Variants in ATP6V1B2 observed in about 807,000 individuals in gnomAD.
ATP6V1B2 encodes ATPase H+ transporting V1 subunit B2.
In ATP6V1B2, 23 loss-of-function variants were observed where a neutral mutation model predicts 66.7. The observed-to-expected ratio is 0.34, with a 90% CI of 0.25 to 0.49. The LOEUF is 0.49. ATP6V1B2 is among the 20% of genes least tolerant of loss of function. The pLI is 0.99. For synonymous variants in ATP6V1B2, 278 were observed against 236.7 expected (o/e 1.17, Z -1.60); for missense variants, 478 against 650.8 (o/e 0.73, Z 2.89).
intron 6 of ATP6V1B2, 53 bp downstream of exon 6, chr8:20,211,369 A>C (rs564138632): frequency 1.3e-6 from 2 of 1,586,288 alleles, no homozygotes; most frequent in East Asian, 2.2e-5. Flanking sequence ...AATTTCTATA[A>C]TGCATCACTG....
At position 20,197,447 on chromosome 8, in the gene ATP6V1B2, C is replaced by T; in HGVS notation, c.41C>T (p.Ala14Val). 1.9e-6 allele frequency: 3 copies of T among 1,544,754 alleles called. No individual in the cohort carries two copies. Among genetic ancestry groups the T allele is most frequent in the African/African-American group, 1.4e-5 (1 of 70,532 alleles). ...RAMRGIVNGA[A>V]PELPVPTGGP... ...ATGCGGGGGATTGTCAACGGGGCCG[C>T]ACCCGAGCTACCCGTGCCCACCGGT... Residue 14 changes from alanine to valine, a missense_variant, in exon 1 of 14, where the codon GCA (alanine) becomes GTA (valine). Physicochemically the swap from Ala to Val is moderately conservative, Grantham distance 64. Around this residue, in one of 2 missense-constraint regions of ATP6V1B2, gnomAD observed 152 missense variants for 105.2 expected, o/e 1.44. Coordinates refer to ENST00000276390, the MANE Select transcript of ATP6V1B2 (RefSeq NM_001693.4).
At chr8:20,212,739 G>T (rs775893365) in intron 8 of ATP6V1B2, 43 bp from the exon 9 acceptor site, 10 of 1,584,206 alleles carry the variant, frequency 6.3e-6, no homozygotes, top group Non-Finnish European at 8.5e-6. Flanking sequence ...TTTCTTTTTG[G>T]TCTTTTGGTT....
intron 9 of ATP6V1B2, 145 bp downstream of exon 9, chr8:20,213,050 A>G: frequency 2.6e-6 from 3 of 1,158,638 alleles, no homozygotes; most frequent in South Asian, 2.8e-5. Context: ...TCAGAAAGGA[A>G]ACTACTTCGT....
At chr8:20,209,405 T>C (rs1453885843) in intron 2 of ATP6V1B2, 28 bp from the exon 3 acceptor site, 1 of 1,602,614 alleles carries the variant, frequency 6.2e-7, no homozygotes, top group Admixed American at 1.7e-5. Context: ...AAATGTCGGA[T>C]ATTGATCCTT....
At chr8:20,210,058 T>TAA (rs1048348767) in intron 3 of ATP6V1B2, among the ~76,000 whole-genome samples, 7 of 147,328 alleles carry the variant, frequency 4.8e-5, no homozygotes, top group Admixed American at 2.1e-4. Flanking sequence ...AACAACCCTT[T>TAA]AAAAAATATA....
chr8:20,200,347 A>G (rs1216970835), intron 1 of ATP6V1B2, among the ~76,000 whole-genome samples: 1 of 152,092 alleles, frequency 6.6e-6, no homozygotes, highest in Non-Finnish European at 1.5e-5. Context: ...TTTAGAAGTC[A>G]GAGATCCTTT....
chr8:20,213,692 T>A (rs1457159806), intron 9 of ATP6V1B2: 1 of 152,068 alleles, frequency 6.6e-6, no homozygotes, highest in East Asian at 1.9e-4. Flanking sequence ...AGTTTTGGGG[T>A]ATTTGTTCAG....
Position 20,211,716 on chromosome 8 carries a change from G to A in ATP6V1B2, c.668G>A (p.Ser223Asn). Residue 223 changes from serine to asparagine, a missense_variant, in exon 7 of 14, where the codon AGT (serine) becomes AAT (asparagine). Physicochemically the swap from Ser to Asn is conservative, Grantham distance 46. This residue lies in a region of ATP6V1B2 where 326 missense variants were observed against 545.6 expected (regional missense o/e 0.60). Coordinates refer to ENST00000276390, the MANE Select transcript of ATP6V1B2 (RefSeq NM_001693.4). The part of the protein sequence containing the change: ...VKKSKDVVDY[S>N]EENFAIVFAA... ...AAATCCAAAGATGTAGTAGACTACAGTGAGGAAAATTTTGCAATTGTATTT... is the reference window on the plus strand; with the variant it reads ...AAATCCAAAGATGTAGTAGACTACAATGAGGAAAATTTTGCAATTGTATTT... The A allele has an allele frequency of 6.2e-7, 1 of 1,612,304 alleles. No homozygotes were observed.
chr8:20,220,340 C>A lies in ATP6V1B2; in HGVS notation c.1474C>A (p.Leu492Met). 8 of 1,604,304 alleles carry A rather than the reference C, an allele frequency of 5.0e-6. No homozygotes were observed. The highest frequency in any genetic ancestry group is 6.8e-6 in the Non-Finnish European group (8 of 1,176,652). The change falls in exon 14 of 14, where the codon CTG becomes ATG. Residue 492 changes from leucine to methionine, a missense_variant. Around this residue, in one of 2 missense-constraint regions of ATP6V1B2, gnomAD observed 326 missense variants for 545.6 expected, o/e 0.60. Coordinates refer to ENST00000276390, the MANE Select transcript of ATP6V1B2 (RefSeq NM_001693.4). Reference sequence around the variant, plus strand: ...ACTCCGAATCTTCCCCAAAGAAATGCTGAAGAGAATCCCTCAGAGCACCCT... The same window carrying A: ...ACTCCGAATCTTCCCCAAAGAAATGATGAAGAGAATCCCTCAGAGCACCCT... ...QLLRIFPKEM[L>M]KRIPQSTLSE... is the part of the protein sequence containing the mutation.
intron 2 of ATP6V1B2, among the ~76,000 whole-genome samples, chr8:20,207,721 TAA>T (rs922264492): frequency 9.2e-5 from 12 of 130,032 alleles, no homozygotes; most frequent in Non-Finnish European, 1.5e-4. Context: ...ACTTAAAGTA[TAA>T]AAAAAAAAAA....
chr8:20,218,044 C>T, intron 12 of ATP6V1B2, 109 bp from the exon 13 acceptor site: 1 of 1,377,220 alleles, frequency 7.3e-7, no homozygotes, highest in Non-Finnish European at 9.7e-7. Flanking sequence ...TTTGTAAATT[C>T]CTTCTATGGG....
rs1421949299 is a variant in ATP6V1B2 at position 20,210,419 on chromosome 8, C to T, written c.365C>T (p.Pro122Leu). The change falls in exon 4 of 14, where the codon CCG becomes CTG. Residue 122 changes from proline to leucine, a missense_variant. Pro to Leu is a moderately conservative substitution (Grantham distance 98). Transcript: ENST00000276390. ...TTTACTGGGGATATTCTCCGAACAC[C>T]GGTGTCTGAGGATATGCTTGGTAAA... Reference protein sequence around the residue: ...CEFTGDILRTPVSEDMLGRVF... With the variant: ...CEFTGDILRTLVSEDMLGRVF... The T allele has an allele frequency of 3.7e-6, 6 of 1,613,308 alleles. No individual in the cohort carries two copies. Among genetic ancestry groups the T allele is most frequent in the Non-Finnish European group, 5.1e-6 (6 of 1,179,572 alleles).
Position 20,220,500 on chromosome 8 carries a change from C to A in ATP6V1B2, c.*98C>A. The A allele has an allele frequency of 7.1e-7, 1 of 1,413,570 alleles. No homozygotes were observed. Among genetic ancestry groups the A allele is most frequent in the Non-Finnish European group, 9.3e-7 (1 of 1,072,258 alleles). 87.6% of individuals were successfully genotyped at this position (1,413,570 alleles called of 1,614,324 possible). A position where few individuals can be genotyped will look rare whatever the true frequency, so the allele number is the denominator to read the frequency against. The stretch of plus-strand genomic sequence containing the variant: ...GTTCCCACCTTTGTGTTGGAGTTTA[C>A]CATGTTACCCTGTAATTAAAAACAA... On this transcript the variant is annotated 3_prime_UTR_variant, in exon 14 of 14. Coordinates refer to ENST00000276390, the MANE Select transcript of ATP6V1B2 (RefSeq NM_001693.4).
intron 11 of ATP6V1B2, 46 bp downstream of exon 11, chr8:20,216,541 C>T (rs369825847): frequency 2.0e-5 from 30 of 1,533,874 alleles, no homozygotes; most frequent in South Asian, 3.5e-5. Flanking sequence ...CCTGCTCATC[C>T]GTTATTCTTT....
At chr8:20,203,933 T>C (rs1187113791) in intron 1 of ATP6V1B2, 3 of 453,418 alleles carry the variant, frequency 6.6e-6, no homozygotes, top group Non-Finnish European at 1.3e-5. Flanking sequence ...TATGACACCA[T>C]TTAATTGTGG....
chr8:20,220,495 G>A lies in ATP6V1B2; in HGVS notation c.*93G>A. On this transcript the variant is annotated 3_prime_UTR_variant, in exon 14 of 14. Transcript: ENST00000276390. ...TCTCGGTTCCCACCTTTGTGTTGGA[G>A]TTTACCATGTTACCCTGTAATTAAA... The A allele has an allele frequency of 7.0e-7, 1 of 1,429,654 alleles. No individual in the cohort carries two copies. The highest frequency in any genetic ancestry group is 9.2e-7 in the Non-Finnish European group (1 of 1,083,768). 88.6% of individuals were successfully genotyped at this position (1,429,654 alleles called of 1,614,324 possible).
chr8:20,211,077 TC>T (rs2072788532), intron 5 of ATP6V1B2, 99 bp from the exon 6 acceptor site: 1 of 1,464,200 alleles, frequency 6.8e-7, no homozygotes, highest in African/African-American at 1.5e-5. Flanking sequence ...GTTCTGGTCT[TC>T]TGGTGCTTTT....
At chr8:20,213,693 A>G (rs2072818998) in intron 9 of ATP6V1B2, 1 of 152,102 alleles carries the variant, frequency 6.6e-6, no homozygotes, top group Non-Finnish European at 1.5e-5. Context: ...GTTTTGGGGT[A>G]TTTGTTCAGT....
chr8:20,211,704 T>G lies in ATP6V1B2; in HGVS notation c.656T>G (p.Val219Gly), dbSNP rs762147835. The G allele has an allele frequency of 6.2e-7, 1 of 1,612,908 alleles. No homozygotes were observed. Among genetic ancestry groups the G allele is most frequent in the East Asian group, 2.2e-5 (1 of 44,866 alleles). Residue 219 changes from valine to glycine, a missense_variant, in exon 7 of 14, where the codon GTA becomes GGA. Around this residue, in one of 2 missense-constraint regions of ATP6V1B2, gnomAD observed 326 missense variants for 545.6 expected, o/e 0.60. Coordinates refer to ENST00000276390, the MANE Select transcript of ATP6V1B2 (RefSeq NM_001693.4). Reference protein sequence around the residue: ...QAGLVKKSKDVVDYSEENFAI... With the variant: ...QAGLVKKSKDGVDYSEENFAI... Reference sequence around the variant, plus strand: ...GGTTTGGTAAAGAAATCCAAAGATGTAGTAGACTACAGTGAGGAAAATTTT... The same window carrying G: ...GGTTTGGTAAAGAAATCCAAAGATGGAGTAGACTACAGTGAGGAAAATTTT...
Sources: allele counts gnomAD v4.1 joint callset (sites outside exome capture counted in the v4.1 genomes callset), GRCh38; gene constraint gnomAD v4.1.1; regional missense constraint gnomAD v4.1.1; transcripts MANE v1.5; gene names NCBI Gene and HGNC (gene_info 2026-07-23, HGNC 2026-07-21).